The following ZNF799 variants were observed in gnomAD, a reference collection of about 807,000 sequenced individuals.
ZNF799 encodes zinc finger protein 14.
A neutral mutation model predicts 41.0 loss-of-function variants in ZNF799; 28 were observed. The observed-to-expected ratio is 0.68, with a 90% CI of 0.51 to 0.94. ZNF799 has a LOEUF of 0.94. ZNF799 is among the 40% of genes least tolerant of loss of function. The pLI, the probability that ZNF799 is intolerant of heterozygous loss-of-function variation, is 0.00. For synonymous variants in ZNF799, 213 were observed against 252.9 expected, an observed-to-expected ratio of 0.84 and a Z score of 1.50; for missense variants, 716 against 764.3, an observed-to-expected ratio of 0.94 and a Z score of 0.74.
chr19:12,400,950 A>T lies in ZNF799; in HGVS notation c.3+118T>A, dbSNP rs932954169. The T allele has an allele frequency of 1.9e-6, 3 of 1,582,704 alleles. No homozygotes were observed. The African/African-American group carries it at 4.0e-5, about 21-fold the overall frequency. On this transcript the variant is annotated intron_variant, in intron 1 of 3. Transcript: ENST00000430385. ...CCGAGGGCCGACCTACGCCAGGGGA[A>T]CCCGGGTCCGTAGATCCCGGAGTAG...
At chr19:12,408,374 A>G in the ZNF799 span, among the ~76,000 whole-genome samples, 1 of 152,240 alleles carries the variant, frequency 6.6e-6, no homozygotes, top group Admixed American at 6.5e-5. Flanking sequence ...ACAGACAAAC[A>G]TAACACAATT....
intron 1 of ZNF799, chr19:12,394,868 G>T: frequency 1.0e-6 from 1 of 984,836 alleles, no homozygotes; most frequent in Non-Finnish European, 1.2e-6. Flanking sequence ...ACAAATAAAG[G>T]ATTTTATTTG....
At chr19:12,400,990 C>G in intron 1 of ZNF799, 78 bp downstream of exon 1, 2 of 1,612,936 alleles carry the variant, frequency 1.2e-6, no homozygotes, top group East Asian at 2.2e-5. Flanking sequence ...TGGGGAGGCC[C>G]GGGTCCAGCC....
In ZNF799 at chr19:12,395,720, G is replaced by T. The variant is rs891334028; in HGVS notation, c.4-2297C>A. Among the ~76,000 whole-genome samples the T allele has an allele frequency of 8.5e-4, 129 of 152,146 alleles. 1 individual carries two copies. The highest frequency in any genetic ancestry group is 2.8e-3 in the African/African-American group (118 of 41,442). On this transcript the variant is annotated intron_variant, in intron 1 of 3. Coordinates refer to ENST00000430385, the MANE Select transcript of ZNF799 (RefSeq NM_001080821.3). ...AGAACACATTTTCACAAAAGACACC[G>T]GAGAAGAAACCCTCATTTTCACTTC...
chr19:12,392,446 C>T (rs2144889816), intron 3 of ZNF799, among the ~76,000 whole-genome samples, 157 bp downstream of exon 3: 1 of 152,256 alleles, frequency 6.6e-6, no homozygotes, highest in African/African-American at 2.4e-5. Flanking sequence ...GAACACTGAA[C>T]AGCTATGGAA....
chr19:12,405,425 C>T (rs1292913119), upstream of ZNF799, among the ~76,000 whole-genome samples: 1 of 152,114 alleles, frequency 6.6e-6, no homozygotes, highest in Non-Finnish European at 1.5e-5. Context: ...TGATAAAACC[C>T]TAATTTTCAG....
the ZNF799 span, among the ~76,000 whole-genome samples, chr19:12,413,485 C>A: frequency 1.3e-5 from 2 of 152,144 alleles, no homozygotes; most frequent in Admixed American, 6.5e-5. Flanking sequence ...CAGAAAGGCA[C>A]AATTTCAGAA....
chr19:12,406,181 A>AT (rs1234413785), upstream of ZNF799, among the ~76,000 whole-genome samples: 1 of 150,316 alleles, frequency 6.7e-6, no homozygotes, highest in African/African-American at 2.4e-5. Flanking sequence ...AAAAAAAAAA[A>AT]AAAAGAAAAA....
chr19:12,401,029 C>G, intron 1 of ZNF799, 39 bp downstream of exon 1: 1 of 1,613,942 alleles, frequency 6.2e-7, no homozygotes, highest in Non-Finnish European at 8.5e-7. Context: ...TTCCACCCAG[C>G]CCCTCCCCCG....
chr19:12,391,460 T>C lies in ZNF799; in HGVS notation c.938A>G (p.Gln313Arg). 1 of 1,614,104 alleles carries C rather than the reference T, an allele frequency of 6.2e-7. No individual in the cohort carries two copies. Among genetic ancestry groups the C allele is most frequent in the South Asian group, 1.1e-5 (1 of 91,078 alleles). Residue 313 changes from glutamine (Q) to arginine (R), a missense_variant, in exon 4 of 4, where the codon CAA becomes CGA. Coordinates refer to ENST00000430385, the MANE Select transcript of ZNF799 (RefSeq NM_001080821.3). Reference protein sequence around the residue: ...HTDEKPYACQQCGKAFHHLGS... With the variant: ...HTDEKPYACQRCGKAFHHLGS... ...CAGATGATGAAACGCTTTCCCACATTGCTGACATGCATAGGGTTTCTCATC... is the reference window on the plus strand; with the variant it reads ...CAGATGATGAAACGCTTTCCCACATCGCTGACATGCATAGGGTTTCTCATC...
the ZNF799 span, among the ~76,000 whole-genome samples, chr19:12,412,797 T>C: frequency 6.6e-6 from 1 of 151,856 alleles, no homozygotes; most frequent in Admixed American, 6.6e-5. Context: ...CCTAGCACTT[T>C]GGGAGGCCAA....
Position 12,390,411 on chromosome 19 carries a change from A to C in ZNF799, c.*55T>G. The C allele has an allele frequency of 8.7e-6, 14 of 1,605,530 alleles. No individual in the cohort carries two copies. In the South Asian group the frequency reaches 1.6e-4, roughly 18 times the overall value. On this transcript the variant is annotated 3_prime_UTR_variant, in exon 4 of 4. Coordinates refer to ENST00000430385, the MANE Select transcript of ZNF799 (RefSeq NM_001080821.3). ...CCAATGTGTTTCGTACAAGTATCTG[A>C]AATGAAATAAAATTAATAAATGCTT...
the ZNF799 span, among the ~76,000 whole-genome samples, chr19:12,411,531 A>T: frequency 6.6e-6 from 1 of 152,136 alleles, no homozygotes; most frequent in African/African-American, 2.4e-5. Context: ...CTTCACATAC[A>T]ATAATCAACT....
chr19:12,414,130 C>T, the ZNF799 span, among the ~76,000 whole-genome samples: 1 of 152,030 alleles, frequency 6.6e-6, no homozygotes, highest in Non-Finnish European at 1.5e-5. Context: ...AACCTCACAG[C>T]CTCCTCGCGG....
rs986402665 is a variant in ZNF799, at chr19:12,392,035, G to C, written c.363C>G (p.Tyr121Ter). The C allele has an allele frequency of 6.2e-7, 1 of 1,614,168 alleles. No individual in the cohort carries two copies. Among genetic ancestry groups the C allele is most frequent in the Non-Finnish European group, 8.5e-7 (1 of 1,180,018 alleles). The change falls in exon 4 of 4, where the codon TAC becomes TAG. Residue 121 changes from tyrosine (Y) to a stop codon, truncating the protein, a stop_gained. Coordinates refer to ENST00000430385, the MANE Select transcript of ZNF799 (RefSeq NM_001080821.3). LOFTEE classifies it low-confidence loss of function (END_TRUNC). ...VIMGHSSLNC[Y>*]IRVGAGHKPY... Reference sequence around the variant, plus strand: ...GTTTGTGCCCAGCACCAACTCTGATGTAACAATTAAGGGATGAATGACCCA... The same window carrying C: ...GTTTGTGCCCAGCACCAACTCTGATCTAACAATTAAGGGATGAATGACCCA...
At chr19:12,409,737 G>C in the ZNF799 span, among the ~76,000 whole-genome samples, 1 of 152,150 alleles carries the variant, frequency 6.6e-6, no homozygotes, top group Non-Finnish European at 1.5e-5. Flanking sequence ...ACCAGTAACA[G>C]AAACACAGTT....
Position 12,391,832 on chromosome 19 carries a change from G to A in ZNF799, c.566C>T (p.Ala189Val), listed in dbSNP as rs753541059. 3 of 1,614,092 alleles carry A rather than the reference G, an allele frequency of 1.9e-6. No homozygotes were observed. The highest frequency in any genetic ancestry group is 2.5e-6 in the Non-Finnish European group (3 of 1,180,004). ...ATAAGGTCCATCTCCACGCTGCACT[G>A]CCATGTGTCTTTGAAGGTTTCCCAA... Reference protein sequence around the residue: ...SSLGNLQRHMAVQRGDGPYKC... With the variant: ...SSLGNLQRHMVVQRGDGPYKC... The change falls in exon 4 of 4, where the codon GCA (alanine) becomes GTA (valine). Residue 189 changes from alanine (A) to valine (V), a missense_variant. This residue lies in a region of ZNF799 where 698 missense variants were observed against 713.6 expected (regional missense o/e 0.98). Coordinates refer to ENST00000430385, the MANE Select transcript of ZNF799 (RefSeq NM_001080821.3).
chr19:12,401,013 T>C lies in ZNF799; in HGVS notation c.3+55A>G, dbSNP rs960766463. 8 of 1,613,742 alleles carry C rather than the reference T, an allele frequency of 5.0e-6. No individual in the cohort carries two copies. In the Middle Eastern group the frequency reaches 5.0e-4, roughly 100 times the overall value. Reference sequence around the variant, plus strand: ...CCCGGGTCCAGCCACAGCCGATTACTGCAGGTTCCACCCAGCCCCTCCCCC... The same window carrying C: ...CCCGGGTCCAGCCACAGCCGATTACCGCAGGTTCCACCCAGCCCCTCCCCC... On this transcript the variant is annotated intron_variant, in intron 1 of 3. Coordinates refer to ENST00000430385, the MANE Select transcript of ZNF799 (RefSeq NM_001080821.3).
the ZNF799 span, among the ~76,000 whole-genome samples, chr19:12,410,735 A>G: frequency 2.8e-4 from 43 of 152,264 alleles, no homozygotes; most frequent in Non-Finnish European, 3.8e-4. Context: ...AGAAAAAAAA[A>G]GGGGGCCATC....
Sources: allele counts gnomAD v4.1 joint callset (sites outside exome capture counted in the v4.1 genomes callset), GRCh38; gene constraint gnomAD v4.1.1; regional missense constraint gnomAD v4.1.1; transcripts MANE v1.5; gene names NCBI Gene and HGNC (gene_info 2026-07-23, HGNC 2026-07-21).